The following ALOX12B variants were observed in gnomAD, a reference collection of about 807,000 sequenced individuals.
ALOX12B encodes the protein arachidonate 12-lipoxygenase, 12R type, also known as arachidonate 12-lipoxygenase, 12R-type.
In ALOX12B, 47 loss-of-function variants were observed where a neutral mutation model predicts 78.9. That is an observed-to-expected ratio of 0.60 (90% CI 0.47 to 0.76). The LOEUF is 0.76. ALOX12B is among the 30% of genes least tolerant of loss of function. The probability of loss-of-function intolerance (pLI) is 0.00; values close to 1 mark genes in which losing one functional copy is unlikely to be tolerated. For synonymous variants in ALOX12B, 370 were observed against 374.5 expected (o/e 0.99, Z 0.14); for missense variants, 805 against 922.6 (o/e 0.87, Z 1.65).
chr17:8,078,115 TTTTATTTATTTATTTA>T lies in ALOX12B; in HGVS notation c.1072-938_1072-923del, dbSNP rs200983287. Among the ~76,000 whole-genome samples the T allele has an allele frequency of 7.8e-3, 1,122 of 143,260 alleles. 13 individuals are homozygous for T. The highest frequency in any genetic ancestry group is 0.024 in the African/African-American group (946 of 39,066). The allele number at this position is 143,260 out of a possible 152,430, so 94.0% of individuals were successfully genotyped here. ...TCCAGAAAGGATCTATTTTATTTCA[TTTTATTTATTTATTTA>T]TTTATTTATTTATTTATTTATTTAT... On this transcript the variant is annotated intron_variant, in intron 8 of 14. Coordinates refer to ENST00000647874, the MANE Select transcript of ALOX12B (RefSeq NM_001139.3).
At chr17:8,075,515 A>C in intron 12 of ALOX12B, 80 bp downstream of exon 12, 1 of 1,605,334 alleles carries the variant, frequency 6.2e-7, no homozygotes, top group South Asian at 1.1e-5. Flanking sequence ...GATCCAGCCC[A>C]GGAGGGCCCT....
rs149984424 is a variant in ALOX12B at position 8,082,803 on chromosome 17, C to T, written c.353-1616G>A. On this transcript the variant is annotated intron_variant, in intron 2 of 14. Coordinates refer to ENST00000647874, the MANE Select transcript of ALOX12B (RefSeq NM_001139.3). ...TCTCTTCTCATTCCTTCGTCACCAC[C>T]GGACTTTGGGTACCCTACAGGTGGT... Among the ~76,000 whole-genome samples, 732 of 152,266 alleles carry T rather than the reference C, an allele frequency of 4.8e-3. 11 individuals carry two copies. The highest frequency in any genetic ancestry group is 0.016 in the African/African-American group (669 of 41,528).
Position 8,080,154 on chromosome 17 carries a change from T to C in ALOX12B, c.754+81A>G, listed in dbSNP as rs771828919. ...CGCCTCGCTGCCTCTCCCGTCCCAC[T>C]GCCCCGAAGTCGGGGGCCTGCCTAG... On this transcript the variant is annotated intron_variant, in intron 6 of 14. Transcript: ENST00000647874. The surrounding 1 kb of genome is among the most constrained non-coding windows in gnomAD (Gnocchi z 4.8). The C allele has an allele frequency of 6.5e-7, 1 of 1,530,570 alleles. No individual in the cohort carries two copies. The highest frequency in any genetic ancestry group is 9.1e-7 in the Non-Finnish European group (1 of 1,104,608). The allele number at this position is 1,530,570 out of a possible 1,614,324, so 94.8% of individuals were successfully genotyped here.
rs1977166207 is a variant in ALOX12B at position 8,079,723 on chromosome 17, G to C, written c.927+46C>G. The stretch of plus-strand genomic sequence containing the variant: ...TGGGGAGAGACGGGGATGCCCGCGA[G>C]GGAGGCCGGGAGGAGGGCCGGGGTC... On this transcript the variant is annotated intron_variant, in intron 7 of 14. Coordinates refer to ENST00000647874, the MANE Select transcript of ALOX12B (RefSeq NM_001139.3). This position sits in a 1 kb window ranked among gnomAD's most constrained non-coding sequence, Gnocchi z 6.4. 6.3e-7 allele frequency: 1 copy of C among 1,588,198 alleles called. No homozygotes were observed. The highest frequency in any genetic ancestry group is 8.6e-7 in the Non-Finnish European group (1 of 1,168,998).
In ALOX12B at chr17:8,072,709, G is replaced by A; in HGVS notation, c.*62C>T. ...AGGTTTTTGTGTTTTTTGCTTGTTTGTTTTGTTTTGTTGAAAATAGTAGGG... is the reference window on the plus strand; with the variant it reads ...AGGTTTTTGTGTTTTTTGCTTGTTTATTTTGTTTTGTTGAAAATAGTAGGG... On this transcript the variant is annotated 3_prime_UTR_variant, in exon 15 of 15. Coordinates refer to ENST00000647874, the MANE Select transcript of ALOX12B (RefSeq NM_001139.3). 6.2e-7 allele frequency: 1 copy of A among 1,601,576 alleles called. No individual in the cohort carries two copies. The highest frequency in any genetic ancestry group is 1.7e-5 in the Admixed American group (1 of 59,652).
chr17:8,080,468 C>A lies in ALOX12B; in HGVS notation c.651-130G>T. The A allele has an allele frequency of 7.2e-7, 1 of 1,390,646 alleles. No homozygotes were observed. Among genetic ancestry groups the A allele is most frequent in the Non-Finnish European group, 1.0e-6 (1 of 984,194 alleles). 86.1% of individuals were successfully genotyped at this position (1,390,646 alleles called of 1,614,324 possible). On this transcript the variant is annotated intron_variant, in intron 5 of 14. Transcript: ENST00000647874. The surrounding 1 kb of genome is among the most constrained non-coding windows in gnomAD (Gnocchi z 4.8). The stretch of plus-strand genomic sequence containing the variant: ...TCTGTGCGTCGCAAAGTCTCTGGGT[C>A]CCATGTCTCAAGATCTTTGCATCTC...
chr17:8,074,453 C>T (rs531672649), intron 12 of ALOX12B, among the ~76,000 whole-genome samples: 2 of 151,238 alleles, frequency 1.3e-5, no homozygotes, highest in South Asian at 2.1e-4. Flanking sequence ...CGCCCTTGGC[C>T]CCTCCCTCCC....
chr17:8,072,645 G>A lies in ALOX12B; in HGVS notation c.*126C>T. On this transcript the variant is annotated 3_prime_UTR_variant, in exon 15 of 15. Transcript: ENST00000647874. ...CACAGCCAGACCCAGGGAAAGGAAG[G>A]TTTTTTGTTTTTTTGTTTGTTTGGT... The A allele has an allele frequency of 7.1e-7, 1 of 1,400,460 alleles. No individual in the cohort carries two copies. The highest frequency in any genetic ancestry group is 1.0e-6 in the Non-Finnish European group (1 of 1,000,000). 86.8% of individuals were successfully genotyped at this position (1,400,460 alleles called of 1,614,324 possible). A position where few individuals can be genotyped will look rare whatever the true frequency, so the allele number is the denominator to read the frequency against.
intron 8 of ALOX12B, among the ~76,000 whole-genome samples, chr17:8,078,100 ATC>A (rs1977124886): frequency 6.6e-6 from 1 of 151,408 alleles, no homozygotes; most frequent in Non-Finnish European, 1.5e-5. Flanking sequence ...TCCAGAAAGG[ATC>A]TATTTTATTT....
At chr17:8,086,469 C>T (rs1263752538) in intron 1 of ALOX12B, among the ~76,000 whole-genome samples, 1 of 152,208 alleles carries the variant, frequency 6.6e-6, no homozygotes, top group Non-Finnish European at 1.5e-5. Flanking sequence ...CCATCCCCAG[C>T]TCCTGTCTTC....
chr17:8,076,575 A>G (rs1977087068), intron 10 of ALOX12B, 82 bp downstream of exon 10: 2 of 1,468,456 alleles, frequency 1.4e-6, no homozygotes, highest in African/African-American at 1.4e-5. Flanking sequence ...CCCAAAGGCA[A>G]ATGGGAAGTC....
At position 8,079,350 on chromosome 17, in the gene ALOX12B, C is replaced by T. The variant is rs992660183; in HGVS notation, c.1071+46G>A. The T allele has an allele frequency of 6.5e-7, 1 of 1,548,574 alleles. No homozygotes were observed. Among genetic ancestry groups the T allele is most frequent in the Non-Finnish European group, 8.7e-7 (1 of 1,146,518 alleles). ...GCGCGCGCACACTCGGAGGAGCATTCGCGCACACAGAGGCTCAGCGGCAGC... is the reference window on the plus strand; with the variant it reads ...GCGCGCGCACACTCGGAGGAGCATTTGCGCACACAGAGGCTCAGCGGCAGC... On this transcript the variant is annotated intron_variant, in intron 8 of 14. Transcript: ENST00000647874. This position sits in a 1 kb window ranked among gnomAD's most constrained non-coding sequence, Gnocchi z 6.4.
At chr17:8,075,816 C>G in intron 11 of ALOX12B, 100 bp from the exon 12 acceptor site, 1 of 1,593,710 alleles carries the variant, frequency 6.3e-7, no homozygotes, top group African/African-American at 1.3e-5. Flanking sequence ...TCAGTTGGCC[C>G]CAGAGCTGCC....
At chr17:8,076,871 T>C (rs1305866965) in intron 9 of ALOX12B, 119 bp downstream of exon 9, 3 of 1,436,444 alleles carry the variant, frequency 2.1e-6, no homozygotes, top group African/African-American at 2.8e-5. Context: ...TCTCTTGTGG[T>C]CCCCAGATGC....
At position 8,080,242 on chromosome 17, in the gene ALOX12B, G is replaced by T; in HGVS notation, c.747C>A (p.Val249=). ...GGACGCCCCATTCCATACCGGAGAC[G>T]ACAGATTTCTTGCCAGGGAAAATTT... is the stretch of plus-strand genomic sequence containing the variant. ...IRKIFPGKKS[V]VSEYVAEHWA... The change falls in exon 6 of 15, where the codon GTC becomes GTA. Residue 249 remains valine (V), a synonymous_variant. Transcript: ENST00000647874. This position sits in a 1 kb window ranked among gnomAD's most constrained non-coding sequence, Gnocchi z 4.8. The T allele has an allele frequency of 6.2e-7, 1 of 1,614,106 alleles. No individual in the cohort carries two copies. Among genetic ancestry groups the T allele is most frequent in the Non-Finnish European group, 8.5e-7 (1 of 1,179,934 alleles).
At chr17:8,083,749 AAC>A (rs1978290332) in intron 2 of ALOX12B, among the ~76,000 whole-genome samples, 1 of 111,984 alleles carries the variant, frequency 8.9e-6, no homozygotes, top group South Asian at 2.5e-4. Context: ...ACAAAAACAA[AAC>A]AAAAAAAAAC....
In ALOX12B at chr17:8,086,229, G is replaced by T; in HGVS notation, c.148-9C>A. On this transcript the variant is annotated splice_polypyrimidine_tract_variant and intron_variant, in intron 1 of 14. Coordinates refer to ENST00000647874, the MANE Select transcript of ALOX12B (RefSeq NM_001139.3). ...ACGGTGTACTGGCCCACCTAGGCAGGATGCAAGCCTGGCTGAGTGGGCAGG... is the reference window on the plus strand; with the variant it reads ...ACGGTGTACTGGCCCACCTAGGCAGTATGCAAGCCTGGCTGAGTGGGCAGG... 1 of 1,613,562 alleles carries T rather than the reference G, an allele frequency of 6.2e-7. No homozygotes were observed.
rs2304906 is a variant in ALOX12B, at chr17:8,080,363, G to A, written c.651-25C>T. 60,324 of 1,612,232 alleles carry A rather than the reference G, an allele frequency of 0.037. 1,581 individuals carry two copies. The highest frequency in any genetic ancestry group is 0.16 in the East Asian group (7,177 of 44,854). ...CCTAGGAGATGGGATTCCAGGAAGA[G>A]GCCTTCAGAGGGGCTGCCAAGCGCC... On this transcript the variant is annotated intron_variant, in intron 5 of 14. Coordinates refer to ENST00000647874, the MANE Select transcript of ALOX12B (RefSeq NM_001139.3). This position sits in a 1 kb window ranked among gnomAD's most constrained non-coding sequence, Gnocchi z 4.8.
At chr17:8,085,105 A>T (rs970968935) in intron 2 of ALOX12B, among the ~76,000 whole-genome samples, 2 of 152,210 alleles carry the variant, frequency 1.3e-5, no homozygotes, top group African/African-American at 4.8e-5. Flanking sequence ...TTTTGGAGTA[A>T]CAGTGCATCC....
Sources: gnomAD v4.1 joint callset for allele counts (sites outside exome capture counted in the v4.1 genomes callset) on GRCh38, gnomAD v4.1.1 for gene constraint, Gnocchi (gnomAD v3.1) non-coding constraint, MANE v1.5 for transcripts, NCBI Gene and HGNC (gene_info 2026-07-23, HGNC 2026-07-21) for gene names.